The following ZFHX3 variants were observed in gnomAD, a reference collection of about 807,000 sequenced individuals.
ZFHX3 encodes the protein zinc finger homeobox protein 3.
Under a neutral mutation model 279.1 loss-of-function variants are expected in ZFHX3, and 42 were observed. That is an observed-to-expected ratio of 0.15 (90% CI 0.12 to 0.19). The LOEUF (loss-of-function observed/expected upper bound fraction) is 0.19, where lower values mean the gene tolerates loss of function less well. ZFHX3 is among the 10% of genes least tolerant of loss of function. The probability of loss-of-function intolerance (pLI) is 1.00; values close to 1 mark genes in which losing one functional copy is unlikely to be tolerated. For synonymous variants in ZFHX3, 2,293 were observed against 1,957.8 expected (o/e 1.17, Z -4.52); for missense variants, 4,981 against 4,754.0 (o/e 1.05, Z -1.40).
At chr16:73,832,268 C>T (rs1961019097) in intron 1 of ZFHX3, among the ~76,000 whole-genome samples, 1 of 151,902 alleles carries the variant, frequency 6.6e-6, no homozygotes, top group Non-Finnish European at 1.5e-5. Flanking sequence ...CAGCAATCCA[C>T]CAGGGCTCTG....
intron 4 of ZFHX3, among the ~76,000 whole-genome samples, chr16:72,847,314 G>A (rs771175054): frequency 5.9e-5 from 9 of 152,148 alleles, no homozygotes; most frequent in South Asian, 2.1e-4. Context: ...CCTAAGACGT[G>A]TCTCCCCCTA....
At chr16:73,090,903 C>A (rs1966068653) in intron 8 of ZFHX3, among the ~76,000 whole-genome samples, 1 of 77,918 alleles carries the variant, frequency 1.3e-5, no homozygotes, top group Non-Finnish European at 2.0e-5. Flanking sequence ...AGAGTAAGAT[C>A]CCATATTGAA....
At chr16:73,220,071 A>T (rs904008900) in intron 5 of ZFHX3, among the ~76,000 whole-genome samples, 3 of 152,130 alleles carry the variant, frequency 2.0e-5, no homozygotes, top group Non-Finnish European at 2.9e-5. Context: ...GGGCAACAAG[A>T]GCGAAACTCC....
chr16:73,790,812 C>T (rs188637273), intron 1 of ZFHX3, among the ~76,000 whole-genome samples: 1 of 152,284 alleles, frequency 6.6e-6, no homozygotes, highest in Admixed American at 6.5e-5. Context: ...TACAAAGTTC[C>T]CTGGAAAATG....
At position 72,793,367 on chromosome 16, in the gene ZFHX3, A is replaced by T. The variant is rs751931010; in HGVS notation, c.9315T>A (p.Pro3105=). The T allele has an allele frequency of 5.6e-6, 9 of 1,614,084 alleles. No homozygotes were observed. The highest frequency in any genetic ancestry group is 3.3e-5 in the Admixed American group (2 of 60,002). ...AQQQGMFDNT[P]LQALNLPTAY... is the part of the protein sequence containing the mutation. ...CTGTAGGAAGGTTAAGGGCCTGAAG[A>T]GGGGTGTTGTCAAACATCCCTTGCT... Residue 3105 remains proline (P), a synonymous_variant, in exon 9 of 10, where the codon CCT becomes CCA. Coordinates refer to ENST00000268489, the MANE Select transcript of ZFHX3 (RefSeq NM_006885.4). The surrounding 1 kb of genome is among the most constrained non-coding windows in gnomAD (Gnocchi z 4.3).
intron 1 of ZFHX3, among the ~76,000 whole-genome samples, chr16:73,860,593 G>T (rs2142389437): frequency 6.6e-6 from 1 of 152,272 alleles, no homozygotes; most frequent in South Asian, 2.1e-4. Context: ...TTCTCATGGA[G>T]CCATTTTGGT....
intron 1 of ZFHX3, among the ~76,000 whole-genome samples, chr16:73,833,017 T>C (rs1202849067): frequency 1.3e-5 from 2 of 152,234 alleles, no homozygotes; most frequent in South Asian, 2.1e-4. Context: ...GAAGTCATCC[T>C]GCCCAAGACT....
chr16:73,600,505 C>A (rs1292433348), intron 2 of ZFHX3, among the ~76,000 whole-genome samples: 7 of 151,588 alleles, frequency 4.6e-5, no homozygotes, highest in African/African-American at 1.7e-4. Context: ...GCTAGCTCCA[C>A]CTCCCGAGTT....
chr16:73,780,083 GTAAACCAGCAAAACTCACTGCATTT>G (rs1249887182), intron 1 of ZFHX3, among the ~76,000 whole-genome samples: 1 of 114,452 alleles, frequency 8.7e-6, no homozygotes, highest in Non-Finnish European at 1.7e-5. Context: ...ACTCCTTCCT[GTAAACCAGCAAAACTCACTGCATTT>G]GAATTTTTTT....
intron 7 of ZFHX3, among the ~76,000 whole-genome samples, chr16:73,103,367 T>G (rs1170821082): frequency 6.6e-6 from 1 of 151,794 alleles, no homozygotes; most frequent in Admixed American, 6.6e-5. Flanking sequence ...AACCAGACTC[T>G]GCCTCTTCCT....
intron 1 of ZFHX3, among the ~76,000 whole-genome samples, chr16:73,033,053 T>G (rs1034646982): frequency 3.9e-5 from 6 of 151,990 alleles, no homozygotes; most frequent in Non-Finnish European, 7.4e-5. Context: ...CCCAACCCAC[T>G]CAAGTTTCTC....
At chr16:73,073,386 C>T (rs1454310173) in intron 8 of ZFHX3, among the ~76,000 whole-genome samples, 1 of 152,180 alleles carries the variant, frequency 6.6e-6, no homozygotes, top group East Asian at 1.9e-4. Flanking sequence ...TCAACAGGAT[C>T]TAAATCCTCT....
intron 2 of ZFHX3, among the ~76,000 whole-genome samples, chr16:73,590,756 C>T (rs187218814): frequency 1.3e-5 from 2 of 152,092 alleles, no homozygotes; most frequent in Admixed American, 1.3e-4. Context: ...ATATAGAAGG[C>T]ACATCATAGG....
chr16:73,800,973 G>A (rs570294539), intron 1 of ZFHX3, among the ~76,000 whole-genome samples: 25 of 152,234 alleles, frequency 1.6e-4, no homozygotes, highest in Admixed American at 9.2e-4. Context: ...AGTTATAAAC[G>A]TGAGGCTCCT....
intron 1 of ZFHX3, among the ~76,000 whole-genome samples, chr16:73,692,508 C>T (rs1321974733): frequency 6.6e-6 from 1 of 152,168 alleles, no homozygotes; most frequent in Non-Finnish European, 1.5e-5. Context: ...AAGGAGGTAA[C>T]TATTTTTAAA....
chr16:73,174,434 G>A (rs766083580), intron 5 of ZFHX3, among the ~76,000 whole-genome samples: 10 of 152,074 alleles, frequency 6.6e-5, no homozygotes, highest in Non-Finnish European at 1.0e-4. Flanking sequence ...AATCTATTCC[G>A]CGACTCTCTC....
At chr16:73,057,535 C>CAAAAAAAA (rs60945619) in intron 1 of ZFHX3, among the ~76,000 whole-genome samples, 2 of 125,272 alleles carry the variant, frequency 1.6e-5, no homozygotes, top group East Asian at 4.7e-4. Context: ...TTCGCGAGAG[C>CAAAAAAAA]AAAAAAAAAA....
chr16:73,142,534 T>C (rs1288318193), intron 6 of ZFHX3, among the ~76,000 whole-genome samples: 1 of 152,164 alleles, frequency 6.6e-6, no homozygotes, highest in Non-Finnish European at 1.5e-5. Flanking sequence ...CTTCTTCCTG[T>C]ACAGAGAAAA....
At chr16:73,799,620 C>T (rs1960087375) in intron 1 of ZFHX3, among the ~76,000 whole-genome samples, 1 of 152,134 alleles carries the variant, frequency 6.6e-6, no homozygotes, top group African/African-American at 2.4e-5. Flanking sequence ...AAAAAGCCTT[C>T]CCCTGCTTCC....
Sources: allele counts gnomAD v4.1 joint callset (sites outside exome capture counted in the v4.1 genomes callset), GRCh38; gene constraint gnomAD v4.1.1; non-coding constraint Gnocchi (gnomAD v3.1); transcripts MANE v1.5; gene names NCBI Gene and HGNC (gene_info 2026-07-23, HGNC 2026-07-21).